Variants in BAZ2B observed in about 807,000 individuals in gnomAD.
BAZ2B encodes bromodomain adjacent to zinc finger domain protein 2B.
Under a neutral mutation model 246.0 loss-of-function variants are expected in BAZ2B, and 91 were observed. The observed-to-expected ratio is 0.37, with a 90% CI of 0.31 to 0.44. The LOEUF (loss-of-function observed/expected upper bound fraction) is 0.44. Among genes scored for constraint, BAZ2B ranks in the 20% least tolerant of loss-of-function variants. BAZ2B has a pLI of 1.00. For missense variants in BAZ2B, 2,332 were observed against 2,533.7 expected (o/e 0.92, Z 1.71); for synonymous variants, 855 against 860.0 (o/e 0.99, Z 0.10).
intron 2 of BAZ2B, among the ~76,000 whole-genome samples, chr2:159,525,518 A>G (rs890090967): frequency 2.0e-5 from 3 of 152,164 alleles, no homozygotes; most frequent in African/African-American, 7.2e-5. Flanking sequence ...AATTGCCTTC[A>G]GTTTATGTGT....
At chr2:159,344,027 C>CA (rs70994297) in intron 31 of BAZ2B, among the ~76,000 whole-genome samples, 349 of 96,870 alleles carry the variant, frequency 3.6e-3, no homozygotes, top group Admixed American at 4.6e-3. Flanking sequence ...GACTCCATCT[C>CA]AAAAAAAAAA....
At chr2:159,370,394 T>C (rs1416335350) in intron 27 of BAZ2B, among the ~76,000 whole-genome samples, 2 of 147,516 alleles carry the variant, frequency 1.4e-5, no homozygotes, top group African/African-American at 5.0e-5. Flanking sequence ...TTTTTTTTTT[T>C]TTTTTTGAGA....
chr2:159,518,186 A>T (rs1295820172), intron 2 of BAZ2B, among the ~76,000 whole-genome samples: 1 of 152,216 alleles, frequency 6.6e-6, no homozygotes, highest in Non-Finnish European at 1.5e-5. Context: ...TGAAATGAAA[A>T]CATAAAGAGG....
At chr2:159,537,058 G>C (rs1366400444) in intron 2 of BAZ2B, among the ~76,000 whole-genome samples, 1 of 152,116 alleles carries the variant, frequency 6.6e-6, no homozygotes, top group Non-Finnish European at 1.5e-5. Context: ...CACACACACA[G>C]GAGTATCATT....
the BAZ2B span, among the ~76,000 whole-genome samples, chr2:159,636,832 C>T: frequency 6.6e-6 from 1 of 152,140 alleles, no homozygotes; most frequent in Non-Finnish European, 1.5e-5. Context: ...AGGACTTGGT[C>T]TTGCATATTG....
At chr2:159,613,454 T>C (rs944630063) in intron 1 of BAZ2B, among the ~76,000 whole-genome samples, 2 of 52,438 alleles carry the variant, frequency 3.8e-5, no homozygotes, top group African/African-American at 8.2e-5. Context: ...TACAATCTGA[T>C]TTTCTAAAAA....
intron 14 of BAZ2B, among the ~76,000 whole-genome samples, chr2:159,406,161 C>G (rs2065899921): frequency 6.6e-6 from 1 of 152,212 alleles, no homozygotes; most frequent in African/African-American, 2.4e-5. Context: ...ATTCTGAACT[C>G]AACCATGTGA....
chr2:159,623,746 C>T, the BAZ2B span, among the ~76,000 whole-genome samples: 1 of 152,050 alleles, frequency 6.6e-6, no homozygotes, highest in Non-Finnish European at 1.5e-5. Context: ...AAAAATCTGA[C>T]CAACACTGAC....
intron 2 of BAZ2B, among the ~76,000 whole-genome samples, chr2:159,537,746 A>G (rs1336209319): frequency 1.3e-5 from 2 of 152,148 alleles, no homozygotes; most frequent in African/African-American, 2.4e-5. Flanking sequence ...ATTGCTCTCC[A>G]GCTTCCAGAA....
intron 3 of BAZ2B, among the ~76,000 whole-genome samples, chr2:159,467,085 T>C (rs562697925): frequency 6.6e-6 from 1 of 152,288 alleles, no homozygotes; most frequent in South Asian, 2.1e-4. Context: ...GACAGCGTAT[T>C]TGAAATTCTG....
At chr2:159,636,465 G>A in the BAZ2B span, among the ~76,000 whole-genome samples, 1 of 152,140 alleles carries the variant, frequency 6.6e-6, no homozygotes. Flanking sequence ...ACCTATGCAT[G>A]GAGGGGGCTT....
At chr2:159,666,686 T>G in the BAZ2B span, among the ~76,000 whole-genome samples, 1 of 152,198 alleles carries the variant, frequency 6.6e-6, no homozygotes, top group South Asian at 2.1e-4. Context: ...CAAAACCCCG[T>G]CTCTACTAAA....
chr2:159,363,792 T>C (rs951473960), intron 27 of BAZ2B, among the ~76,000 whole-genome samples: 3 of 152,046 alleles, frequency 2.0e-5, no homozygotes, highest in Non-Finnish European at 1.5e-5. Context: ...ACATGTGAGA[T>C]GAAACATGAT....
the BAZ2B span, among the ~76,000 whole-genome samples, chr2:159,645,406 G>T: frequency 3.9e-5 from 6 of 152,102 alleles, no homozygotes; most frequent in South Asian, 1.0e-3. Context: ...GAGCAAGGTG[G>T]GAGGGTGCCA....
At chr2:159,605,205 TA>T (rs199512126) in intron 1 of BAZ2B, among the ~76,000 whole-genome samples, 64 of 149,932 alleles carry the variant, frequency 4.3e-4, no homozygotes, top group Admixed American at 8.0e-4. Flanking sequence ...TTTTTTTTTT[TA>T]AATTTTGTGT....
At chr2:159,422,272 C>T (rs964615545) in intron 13 of BAZ2B, among the ~76,000 whole-genome samples, 1 of 152,072 alleles carries the variant, frequency 6.6e-6, no homozygotes, top group Non-Finnish European at 1.5e-5. Context: ...ACCTAAAGAG[C>T]CTAAATTGCC....
chr2:159,332,883 G>C, intron 33 of BAZ2B, 197 bp from the exon 34 acceptor site: 1 of 590,680 alleles, frequency 1.7e-6, no homozygotes, highest in Non-Finnish European at 2.9e-6. Flanking sequence ...AGTTCTATTG[G>C]GGTAAATGCA....
chr2:159,475,358 T>C (rs934944494), intron 3 of BAZ2B, among the ~76,000 whole-genome samples: 8 of 152,360 alleles, frequency 5.3e-5, no homozygotes, highest in Admixed American at 2.0e-4. Context: ...TTGATACTTG[T>C]GTATGTTTCA....
rs753158838 is a variant in BAZ2B, at chr2:159,427,933, G to A, written c.2466+8C>T. 33 of 1,609,604 alleles carry A rather than the reference G, an allele frequency of 2.1e-5. No individual in the cohort carries two copies. In the South Asian group the frequency reaches 3.5e-4, roughly 17 times the overall value. ...GTTCAAAGACTATACTTTTTAAAAA[G>A]TGGATACCTGCGGTCCATCTCTGGC... is the stretch of plus-strand genomic sequence containing the variant. On this transcript the variant is annotated splice_region_variant and intron_variant, in intron 13 of 36. Transcript: ENST00000392783.
Sources: allele counts gnomAD v4.1 joint callset (sites outside exome capture counted in the v4.1 genomes callset), GRCh38; gene constraint gnomAD v4.1.1; transcripts MANE v1.5; gene names NCBI Gene and HGNC (gene_info 2026-07-23, HGNC 2026-07-21).